The following MCF2L2 variants were observed in gnomAD, a reference collection of about 807,000 sequenced individuals.
The protein encoded by MCF2L2 is probable guanine nucleotide exchange factor MCF2L2.
Under a neutral mutation model 150.2 loss-of-function variants are expected in MCF2L2, and 102 were observed. The observed-to-expected ratio is 0.68, with a 90% CI of 0.58 to 0.80. MCF2L2 has a LOEUF of 0.80. Among genes scored for constraint, MCF2L2 ranks in the 30% least tolerant of loss-of-function variants. The probability of loss-of-function intolerance (pLI) is 0.00; values close to 1 mark genes in which losing one functional copy is unlikely to be tolerated. For synonymous variants in MCF2L2, 465 were observed against 491.3 expected, an observed-to-expected ratio of 0.95 and a Z score of 0.71; for missense variants, 1,256 against 1,372.8, an observed-to-expected ratio of 0.91 and a Z score of 1.34.
At chr3:183,225,761 C>T (rs1268909460) in intron 18 of MCF2L2, 3 of 152,160 alleles carry the variant, frequency 2.0e-5, no homozygotes, top group African/African-American at 7.2e-5. Context: ...TCCACAAATG[C>T]CCAATGGATA....
chr3:183,195,293 T>A (rs1042415388), intron 25 of MCF2L2, 38 bp from the exon 26 acceptor site: 1 of 1,469,822 alleles, frequency 6.8e-7, no homozygotes, highest in Non-Finnish European at 9.4e-7. Flanking sequence ...ACTCTCAAAT[T>A]TAAGCTAATT....
At chr3:183,310,689 C>T in intron 9 of MCF2L2, 1 of 506,646 alleles carries the variant, frequency 2.0e-6, no homozygotes, top group Non-Finnish European at 3.5e-6. Context: ...TAAACCATCA[C>T]TGAAATGCCA....
At chr3:183,234,687 CTTTTTTTTTT>C (rs71185647) in intron 15 of MCF2L2, among the ~76,000 whole-genome samples, 5 of 84,234 alleles carry the variant, frequency 5.9e-5, no homozygotes, top group African/African-American at 1.6e-4. Context: ...ATGTATGACT[CTTTTTTTTTT>C]TTTTTTTTTT....
At chr3:183,269,229 G>GATTTTTTTTTTTTTTTTTTT (rs1305607255) in intron 15 of MCF2L2, among the ~76,000 whole-genome samples, 1 of 77,022 alleles carries the variant, frequency 1.3e-5, no homozygotes, top group East Asian at 7.6e-4. Flanking sequence ...CGTTTGGGAA[G>GATTTTTTTTTTTTTTTTTTT]CTTTTTTTTT....
intron 1 of MCF2L2, among the ~76,000 whole-genome samples, chr3:183,423,373 G>A (rs1314699250): frequency 1.3e-5 from 2 of 152,188 alleles, no homozygotes; most frequent in African/African-American, 4.8e-5. Flanking sequence ...TTACAGATCA[G>A]TATCCTAGAG....
intron 5 of MCF2L2, among the ~76,000 whole-genome samples, chr3:183,325,726 C>T (rs1158555060): frequency 6.6e-6 from 1 of 152,148 alleles, no homozygotes; most frequent in Non-Finnish European, 1.5e-5. Flanking sequence ...GAAACCTATC[C>T]TGCCAGGCTG....
intron 15 of MCF2L2, chr3:183,269,616 C>A (rs1726544113): frequency 3.5e-6 from 2 of 570,810 alleles, no homozygotes; most frequent in Non-Finnish European, 5.9e-6. Flanking sequence ...GTGTTCCATT[C>A]TTCCGCAATC....
intron 14 of MCF2L2, chr3:183,287,337 G>A (rs1236232673): frequency 6.6e-6 from 1 of 152,130 alleles, no homozygotes; most frequent in Non-Finnish European, 1.5e-5. Flanking sequence ...AGGTCGTAGA[G>A]ATAGGAAGTG....
intron 3 of MCF2L2, among the ~76,000 whole-genome samples, chr3:183,348,797 G>A (rs892049756): frequency 6.7e-6 from 1 of 148,626 alleles, no homozygotes; most frequent in Non-Finnish European, 1.5e-5. Context: ...AATATAAAAG[G>A]GCCTTTTTAT....
At chr3:183,274,535 A>G (rs1169220859) in intron 15 of MCF2L2, among the ~76,000 whole-genome samples, 4 of 152,204 alleles carry the variant, frequency 2.6e-5, no homozygotes, top group Non-Finnish European at 5.9e-5. Context: ...AACTCAATCT[A>G]TATTTAAAAC....
At chr3:183,189,645 C>A (rs981984964) in intron 27 of MCF2L2, among the ~76,000 whole-genome samples, 1 of 152,078 alleles carries the variant, frequency 6.6e-6, no homozygotes, top group Non-Finnish European at 1.5e-5. Flanking sequence ...GGGTCCTGGT[C>A]ATCAGAAGGA....
At chr3:183,288,482 T>C (rs1025094187) in intron 14 of MCF2L2, among the ~76,000 whole-genome samples, 3 of 122,172 alleles carry the variant, frequency 2.5e-5, no homozygotes, top group Non-Finnish European at 4.8e-5. Context: ...TGTCATGCTC[T>C]TTTTTTTTTT....
In MCF2L2 at chr3:183,410,135, G is replaced by A. The variant is rs983173250; in HGVS notation, c.76+17767C>T. 5.3e-5 allele frequency among the ~76,000 whole-genome samples: 8 copies of A among 152,162 alleles called. No individual in the cohort carries two copies. The South Asian group carries it at 6.2e-4, about 12-fold the overall frequency. ...TAAAAGTGGCTATTCCCCTTATCCC[G>A]CCAATTAAATAGCTTTCCCCTCTCC... On this transcript the variant is annotated intron_variant, in intron 1 of 29. Coordinates refer to ENST00000328913, the MANE Select transcript of MCF2L2 (RefSeq NM_015078.4).
At chr3:183,331,539 C>T (rs4859109) in intron 5 of MCF2L2, among the ~76,000 whole-genome samples, 13,615 of 152,272 alleles carry the variant, frequency 0.089, 1,363 homozygotes, top group African/African-American at 0.24. Flanking sequence ...CAAAGAAATA[C>T]ATGGTCTTTT....
chr3:183,355,451 CTTT>C (rs1168575988), intron 3 of MCF2L2, among the ~76,000 whole-genome samples: 2 of 141,326 alleles, frequency 1.4e-5, no homozygotes, highest in Admixed American at 7.1e-5. Flanking sequence ...AATTCCTTTC[CTTT>C]TTTTTTTTTT....
At chr3:183,386,796 A>C (rs1467720220) in intron 2 of MCF2L2, among the ~76,000 whole-genome samples, 1 of 152,206 alleles carries the variant, frequency 6.6e-6, no homozygotes, top group Non-Finnish European at 1.5e-5. Flanking sequence ...CTCCTTGCTG[A>C]CACTTGCTGT....
chr3:183,272,722 C>T (rs1726884163), intron 15 of MCF2L2: 1 of 1,028,806 alleles, frequency 9.7e-7, no homozygotes, highest in Non-Finnish European at 1.2e-6. Flanking sequence ...GACCAAGCAA[C>T]AAGCTTATAA....
chr3:183,421,603 C>T (rs968462659), intron 1 of MCF2L2, among the ~76,000 whole-genome samples: 2 of 152,280 alleles, frequency 1.3e-5, no homozygotes, highest in Non-Finnish European at 2.9e-5. Flanking sequence ...ATATTTATTG[C>T]GGCTGTACTG....
At chr3:183,258,140 G>A (rs1195357249) in intron 15 of MCF2L2, among the ~76,000 whole-genome samples, 1 of 151,708 alleles carries the variant, frequency 6.6e-6, no homozygotes, top group Non-Finnish European at 1.5e-5. Flanking sequence ...GCTAATTTTT[G>A]TGTTTTTAGT....
Sources: gnomAD v4.1 joint callset for allele counts (sites outside exome capture counted in the v4.1 genomes callset) on GRCh38, gnomAD v4.1.1 for gene constraint, MANE v1.5 for transcripts, NCBI Gene and HGNC (gene_info 2026-07-23, HGNC 2026-07-21) for gene names.